The following ASTN1 variants were observed in gnomAD, a reference collection of about 807,000 sequenced individuals.
ASTN1 encodes astrotactin-1.
ASTN1 carries 41 observed loss-of-function variants against 140.7 expected under a neutral mutation model. That is an observed-to-expected ratio of 0.29 (90% confidence interval 0.23 to 0.38). The LOEUF (loss-of-function observed/expected upper bound fraction) is 0.38. ASTN1 is among the 10% of genes least tolerant of loss of function. The pLI is 1.00. For synonymous variants in ASTN1, 640 were observed against 652.2 expected (o/e 0.98, Z 0.29); for missense variants, 1,479 against 1,678.8 (o/e 0.88, Z 2.08).
At chr1:177,120,084 A>G (rs926825826) in intron 1 of ASTN1, among the ~76,000 whole-genome samples, 5 of 152,190 alleles carry the variant, frequency 3.3e-5, no homozygotes, top group African/African-American at 1.2e-4. Context: ...TCCACTCTAC[A>G]CAAAATGAAA....
rs1180080014 is a variant in ASTN1, at chr1:177,032,825, A to G, written c.496T>C (p.Ser166Pro). 6.2e-7 allele frequency: 1 copy of G among 1,607,880 alleles called. No homozygotes were observed. The highest frequency in any genetic ancestry group is 8.5e-7 in the Non-Finnish European group (1 of 1,177,476). Residue 166 changes from serine to proline, a missense_variant, in exon 3 of 23, where the codon TCC (serine) becomes CCC (proline). This residue lies in a region of ASTN1 where 729 missense variants were observed against 860.4 expected (regional missense o/e 0.85). Coordinates refer to ENST00000361833, the MANE Select transcript of ASTN1 (RefSeq NM_004319.3). Reference protein sequence around the residue: ...VMGGMIALLLSILCLVMILYT... With the variant: ...VMGGMIALLLPILCLVMILYT... Reference sequence around the variant, plus strand: ...AGGATCATCACCAGGCACAAGATGGACAGCAGCAGAGCGATCATGCCACCC... The same window carrying G: ...AGGATCATCACCAGGCACAAGATGGGCAGCAGCAGAGCGATCATGCCACCC...
At chr1:177,110,528 C>T (rs566251903) in intron 1 of ASTN1, among the ~76,000 whole-genome samples, 2 of 152,218 alleles carry the variant, frequency 1.3e-5, no homozygotes, top group East Asian at 3.9e-4. Flanking sequence ...TAGATTATCC[C>T]CAGAAATGGT....
At chr1:176,987,123 C>T (rs1028124642) in intron 8 of ASTN1, among the ~76,000 whole-genome samples, 2 of 152,146 alleles carry the variant, frequency 1.3e-5, no homozygotes, top group Non-Finnish European at 2.9e-5. Flanking sequence ...CAGCCTCTCA[C>T]AACAAGCAAT....
chr1:176,943,815 T>C lies in ASTN1; in HGVS notation c.2377+76A>G, dbSNP rs1051922852. 6.1e-6 allele frequency: 9 copies of C among 1,481,174 alleles called. No homozygotes were observed. In the African/African-American group the frequency reaches 1.1e-4, roughly 19 times the overall value. The allele number at this position is 1,481,174 out of a possible 1,614,324, so 91.8% of individuals were successfully genotyped here. On this transcript the variant is annotated intron_variant, in intron 14 of 22. Coordinates refer to ENST00000361833, the MANE Select transcript of ASTN1 (RefSeq NM_004319.3). ...GGCTTAGAAACCAAAATAAGTGAGG[T>C]CAAATCTTAATTTTATGAAACTGCA... is the stretch of plus-strand genomic sequence containing the variant.
chr1:176,878,708 AG>A (rs1472291161), intron 20 of ASTN1, among the ~76,000 whole-genome samples: 1 of 152,008 alleles, frequency 6.6e-6, no homozygotes, highest in Non-Finnish European at 1.5e-5. Flanking sequence ...CACCTGCTCT[AG>A]ACCATCTTGA....
intron 8 of ASTN1, among the ~76,000 whole-genome samples, chr1:177,000,674 T>C (rs967667642): frequency 6.6e-6 from 1 of 152,214 alleles, no homozygotes; most frequent in African/African-American, 2.4e-5. Context: ...CAGCATATTC[T>C]TTATTGCTCC....
chr1:176,869,068 T>G (rs1668237940), intron 21 of ASTN1, 41 bp from the exon 22 acceptor site: 3 of 1,320,906 alleles, frequency 2.3e-6, no homozygotes, highest in Non-Finnish European at 3.1e-6. Context: ...TTTACATATA[T>G]ATAATAATGT....
At chr1:176,953,426 C>A (rs1052059048) in intron 11 of ASTN1, among the ~76,000 whole-genome samples, 7 of 152,224 alleles carry the variant, frequency 4.6e-5, no homozygotes, top group African/African-American at 1.7e-4. Flanking sequence ...TAAATGGCAA[C>A]CTCACTTCTT....
intron 15 of ASTN1, 37 bp from the exon 16 acceptor site, chr1:176,934,377 C>G (rs930305775): frequency 6.4e-7 from 1 of 1,554,964 alleles, no homozygotes; most frequent in Non-Finnish European, 8.8e-7. Flanking sequence ...AGAATGAGGG[C>G]TCAGATTTTG....
intron 2 of ASTN1, among the ~76,000 whole-genome samples, chr1:177,044,202 C>CACACAT (rs61667310): frequency 6.8e-6 from 1 of 147,408 alleles, no homozygotes; most frequent in South Asian, 2.1e-4. Flanking sequence ...CACACACACA[C>CACACAT]ATACACACAC....
chr1:177,098,640 A>G (rs1165675678), intron 1 of ASTN1, among the ~76,000 whole-genome samples: 1 of 152,104 alleles, frequency 6.6e-6, no homozygotes, highest in Non-Finnish European at 1.5e-5. Context: ...AGAAAAAACG[A>G]AGGGGAAACA....
intron 16 of ASTN1, among the ~76,000 whole-genome samples, chr1:176,899,495 G>A (rs563746521): frequency 1.3e-5 from 2 of 152,238 alleles, no homozygotes; most frequent in Non-Finnish European, 2.9e-5. Flanking sequence ...AAGGCAATGA[G>A]ATGCTAATGA....
At chr1:176,928,618 T>G (rs991953643) in intron 16 of ASTN1, among the ~76,000 whole-genome samples, 1 of 152,036 alleles carries the variant, frequency 6.6e-6, no homozygotes, top group African/African-American at 2.4e-5. Flanking sequence ...GGAGGGCAAT[T>G]TAGATAGATT....
intron 2 of ASTN1, among the ~76,000 whole-genome samples, chr1:177,052,797 G>T (rs187835678): frequency 1.2e-4 from 19 of 152,272 alleles, no homozygotes; most frequent in Admixed American, 7.2e-4. Context: ...CTAGCTAAAA[G>T]AAATAAAATT....
At chr1:177,094,365 AG>A (rs1305815292) in intron 1 of ASTN1, among the ~76,000 whole-genome samples, 48 of 152,192 alleles carry the variant, frequency 3.2e-4, no homozygotes, top group South Asian at 2.1e-4. Context: ...TTTTAAGTGA[AG>A]GGAGGCTGCC....
chr1:176,980,396 TAAG>T (rs1009943604), intron 8 of ASTN1, among the ~76,000 whole-genome samples: 4 of 152,006 alleles, frequency 2.6e-5, no homozygotes, highest in Admixed American at 6.6e-5. Context: ...AAGAAATGAG[TAAG>T]AAGAGTTCGA....
At chr1:176,918,563 C>T (rs1326306736) in intron 16 of ASTN1, among the ~76,000 whole-genome samples, 1 of 152,158 alleles carries the variant, frequency 6.6e-6, no homozygotes. Flanking sequence ...GTTCCTCTTC[C>T]TCTGCTCTTC....
At position 176,946,048 on chromosome 1, in the gene ASTN1, T is replaced by A. The variant is rs368628468; in HGVS notation, c.2127A>T (p.Gly709=). 6.2e-7 allele frequency: 1 copy of A among 1,614,028 alleles called. No homozygotes were observed. Among genetic ancestry groups the A allele is most frequent in the South Asian group, 1.1e-5 (1 of 91,054 alleles). Residue 709 remains glycine, a synonymous_variant, in exon 13 of 23, where the codon GGA becomes GGT. Coordinates refer to ENST00000361833, the MANE Select transcript of ASTN1 (RefSeq NM_004319.3). The part of the protein sequence containing the change: ...CQLITETCPE[G]SDCGESRELP... ...GCTCCCTGCTTTCCCCACAGTCACT[T>A]CCCTCTGGACAGGTCTCCGTGATGA...
At chr1:176,937,168 T>C (rs17313493) in intron 14 of ASTN1, among the ~76,000 whole-genome samples, 17,873 of 152,246 alleles carry the variant, frequency 0.12, 1,342 homozygotes, top group Admixed American at 0.18. Context: ...GTTGCAGTAA[T>C]TGACTCAGCC....
Sources: allele counts gnomAD v4.1 joint callset (sites outside exome capture counted in the v4.1 genomes callset), GRCh38; gene constraint gnomAD v4.1.1; regional missense constraint gnomAD v4.1.1; transcripts MANE v1.5; gene names NCBI Gene and HGNC (gene_info 2026-07-23, HGNC 2026-07-21).